Variants in MAF observed in about 807,000 individuals in gnomAD.
The protein encoded by MAF is transcription factor Maf.
Under a neutral mutation model 22.0 loss-of-function variants are expected in MAF, and 10 were observed. The observed-to-expected ratio is 0.45, with a 90% CI of 0.28 to 0.77. MAF has a LOEUF of 0.77. MAF is among the 30% of genes least tolerant of loss of function. The probability of loss-of-function intolerance (pLI) is 0.12; values close to 1 mark genes in which losing one functional copy is unlikely to be tolerated. For synonymous variants in MAF, 337 were observed against 255.8 expected (o/e 1.32, Z -3.03); for missense variants, 544 against 548.4 (o/e 0.99, Z 0.08).
At chr16:79,463,255 G>A in the MAF span, among the ~76,000 whole-genome samples, 3 of 152,292 alleles carry the variant, frequency 2.0e-5, no homozygotes, top group Non-Finnish European at 4.4e-5. Flanking sequence ...GCTATGGTAG[G>A]AGTTGGGCTT....
the MAF span, among the ~76,000 whole-genome samples, chr16:79,522,886 C>T: frequency 6.6e-6 from 1 of 152,206 alleles, no homozygotes; most frequent in Admixed American, 6.5e-5. Context: ...TTGGAGAACT[C>T]ACAGTGCTGG....
chr16:79,364,013 G>A, the MAF span, among the ~76,000 whole-genome samples: 11 of 140,900 alleles, frequency 7.8e-5, no homozygotes, highest in South Asian at 4.2e-4. Flanking sequence ...GGTTGTGCCC[G>A]AAAAGCAACT....
chr16:79,271,098 T>C, the MAF span, among the ~76,000 whole-genome samples: 1 of 151,490 alleles, frequency 6.6e-6, no homozygotes, highest in Admixed American at 6.6e-5. Flanking sequence ...TTATTTTTAG[T>C]AGAGACGGGG....
the MAF span, among the ~76,000 whole-genome samples, chr16:79,218,227 T>C: frequency 7.1e-6 from 1 of 141,006 alleles, no homozygotes; most frequent in Non-Finnish European, 1.5e-5. Context: ...ATGCCCCCCC[T>C]TTTTTTCCCT....
chr16:79,280,095 A>T, the MAF span, among the ~76,000 whole-genome samples: 1 of 152,218 alleles, frequency 6.6e-6, no homozygotes, highest in African/African-American at 2.4e-5. Context: ...CATCAGCTCG[A>T]TAAGCTGCCC....
the MAF span, among the ~76,000 whole-genome samples, chr16:79,384,451 G>GAA: frequency 0.45 from 49,389 of 109,666 alleles, 11,402 homozygotes; most frequent in Non-Finnish European, 0.56. Context: ...GTCTCAAAAA[G>GAA]AAAAAAAAAA....
chr16:79,267,427 C>T, the MAF span, among the ~76,000 whole-genome samples: 7 of 152,020 alleles, frequency 4.6e-5, no homozygotes, highest in African/African-American at 1.4e-4. Context: ...TGTGTGTGTA[C>T]GTGTGTGGTA....
At chr16:79,403,264 G>A in the MAF span, among the ~76,000 whole-genome samples, 2 of 152,154 alleles carry the variant, frequency 1.3e-5, no homozygotes, top group African/African-American at 2.4e-5. Flanking sequence ...TTCAGCTCCC[G>A]ATTTTCTGTA....
chr16:79,373,585 G>A, the MAF span, among the ~76,000 whole-genome samples: 1 of 151,758 alleles, frequency 6.6e-6, no homozygotes, highest in African/African-American at 2.4e-5. Context: ...GTTTTACCAT[G>A]TTGGCTAGGC....
At chr16:79,278,534 C>G in the MAF span, among the ~76,000 whole-genome samples, 1 of 152,172 alleles carries the variant, frequency 6.6e-6, no homozygotes, top group African/African-American at 2.4e-5. Context: ...GTGTACAGAA[C>G]GAAGAGGCCC....
At chr16:79,324,094 T>C in the MAF span, among the ~76,000 whole-genome samples, 1 of 152,228 alleles carries the variant, frequency 6.6e-6, no homozygotes, top group Non-Finnish European at 1.5e-5. Flanking sequence ...GGTTAGCTTA[T>C]GTTATGTGAA....
At chr16:79,581,754 G>A (rs529881763), downstream of MAF, among the ~76,000 whole-genome samples, 13 of 152,240 alleles carry the variant, frequency 8.5e-5, no homozygotes, top group Admixed American at 7.8e-4. Flanking sequence ...TCTCTTTTTG[G>A]ACTGTCAGGC....
At chr16:79,258,085 A>G in the MAF span, among the ~76,000 whole-genome samples, 1 of 152,218 alleles carries the variant, frequency 6.6e-6, no homozygotes, top group African/African-American at 2.4e-5. Flanking sequence ...GTTTAACCTC[A>G]GCCCTTATCA....
chr16:79,348,669 C>T, the MAF span, among the ~76,000 whole-genome samples: 8 of 152,194 alleles, frequency 5.3e-5, no homozygotes, highest in Non-Finnish European at 1.0e-4. Flanking sequence ...ATGGCTTGGG[C>T]CCAGTGACAT....
At chr16:79,301,950 G>C in the MAF span, among the ~76,000 whole-genome samples, 1 of 152,238 alleles carries the variant, frequency 6.6e-6, no homozygotes, top group African/African-American at 2.4e-5. Flanking sequence ...AACGTTGAGA[G>C]CTGCACAAGG....
the MAF span, among the ~76,000 whole-genome samples, chr16:79,335,170 C>T: frequency 7.3e-5 from 10 of 136,412 alleles, no homozygotes; most frequent in Non-Finnish European, 9.1e-5. Context: ...GGCGACAGAG[C>T]GAGACTCCAT....
At chr16:79,598,282 C>T (rs1166647985) in intron 1 of MAF, 13 of 1,061,416 alleles carry the variant, frequency 1.2e-5, no homozygotes, top group Admixed American at 5.0e-5. Context: ...AAAATCCAAA[C>T]AAAATAAAAC....
downstream of MAF, among the ~76,000 whole-genome samples, chr16:79,591,955 CAT>C (rs150077250): frequency 0.063 from 9,606 of 152,192 alleles, 423 homozygotes; most frequent in Middle Eastern, 0.13. Flanking sequence ...AAAAAGGAAA[CAT>C]GTGAACATAT....
the MAF span, among the ~76,000 whole-genome samples, chr16:79,368,886 T>G: frequency 6.6e-6 from 1 of 152,236 alleles, no homozygotes; most frequent in Admixed American, 6.5e-5. Context: ...TCTGACTTTC[T>G]GTCTCTTTCT....
Sources: allele counts gnomAD v4.1 joint callset (sites outside exome capture counted in the v4.1 genomes callset), GRCh38; gene constraint gnomAD v4.1.1; transcripts MANE v1.5; gene names NCBI Gene and HGNC (gene_info 2026-07-23, HGNC 2026-07-21).